HEBP1: variants seen among roughly 807,000 people sequenced by gnomAD.
HEBP1 encodes heme binding protein 1, also known as heme-binding protein 1.
HEBP1 carries 13 observed loss-of-function variants against 20.4 expected under a neutral mutation model. The ratio of observed to expected loss-of-function variants is 0.64; its 90% CI spans 0.42 to 1.01. The LOEUF (loss-of-function observed/expected upper bound fraction) is 1.01. HEBP1 is among the 50% of genes least tolerant of loss of function. The pLI, the probability that HEBP1 is intolerant of heterozygous loss-of-function variation, is 0.00. For missense variants in HEBP1, 241 were observed against 247.3 expected (o/e 0.97, Z 0.17); for synonymous variants, 92 against 90.7 (o/e 1.01, Z -0.08).
chr12:12,980,934 G>A (rs1399873740), intron 3 of HEBP1, among the ~76,000 whole-genome samples: 1 of 152,268 alleles, frequency 6.6e-6, no homozygotes, highest in Non-Finnish European at 1.5e-5. Context: ...GAGCTGAGCA[G>A]CCTCTGGGGA....
rs1864155446 is a variant in HEBP1 at position 12,986,599 on chromosome 12, T to C, written c.398+553A>G. The C allele has an allele frequency of 6.6e-6, 1 of 152,312 alleles. No individual in the cohort carries two copies. The highest frequency in any genetic ancestry group is 2.4e-5 in the African/African-American group (1 of 41,448). 9.4% of individuals were successfully genotyped at this position (152,312 alleles called of 1,614,324 possible). On this transcript the variant is annotated intron_variant, in intron 3 of 3. Transcript: ENST00000014930. This position sits in a 1 kb window ranked among gnomAD's most constrained non-coding sequence, Gnocchi z 4.3. ...GAAACTAGTAACCATTTGCACCTGC[T>C]ATTCTCTACAGTCAAGGGAAAATGA...
At chr12:12,976,077 C>CAAAAAAAAAAA (rs56110606) in intron 3 of HEBP1, among the ~76,000 whole-genome samples, 5 of 85,848 alleles carry the variant, frequency 5.8e-5, no homozygotes, top group Admixed American at 1.3e-4. Flanking sequence ...GACCCTGTGT[C>CAAAAAAAAAAA]AAAAAAAAAA....
intron 1 of HEBP1, among the ~76,000 whole-genome samples, chr12:12,992,628 G>A (rs1156454249): frequency 6.6e-6 from 1 of 152,180 alleles, no homozygotes; most frequent in Non-Finnish European, 1.5e-5. Flanking sequence ...GTGGGGCACC[G>A]TGCTGAATCA....
intron 3 of HEBP1, among the ~76,000 whole-genome samples, chr12:12,981,834 GAGAC>G (rs1592400829): frequency 6.6e-6 from 1 of 152,174 alleles, no homozygotes; most frequent in African/African-American, 2.4e-5. Context: ...ACATTCAGGG[GAGAC>G]AGACAGAGGT....
chr12:12,982,267 A>G lies in HEBP1; in HGVS notation c.398+4885T>C, dbSNP rs375737168. 1.1e-4 allele frequency among the ~76,000 whole-genome samples: 17 copies of G among 152,342 alleles called. No individual in the cohort carries two copies. In the East Asian group the frequency reaches 3.3e-3, roughly 29 times the overall value. ...AATTGATTATAAGTGAAGCAAAGCAAAATAAAGCTGGATAAGAGGACAGAA... is the reference window on the plus strand; with the variant it reads ...AATTGATTATAAGTGAAGCAAAGCAGAATAAAGCTGGATAAGAGGACAGAA... On this transcript the variant is annotated intron_variant, in intron 3 of 3. Coordinates refer to ENST00000014930, the MANE Select transcript of HEBP1 (RefSeq NM_015987.5).
intron 3 of HEBP1, among the ~76,000 whole-genome samples, chr12:12,981,459 T>C (rs2136540565): frequency 6.6e-6 from 1 of 152,262 alleles, no homozygotes; most frequent in South Asian, 2.1e-4. Flanking sequence ...CTGACAGCTA[T>C]CAGGGGGAGA....
chr12:12,984,666 ACTGTAGTACCAG>A (rs1327285878), intron 3 of HEBP1: 1 of 152,214 alleles, frequency 6.6e-6, no homozygotes, highest in Non-Finnish European at 1.5e-5. Flanking sequence ...GTTGTGTGCA[ACTGTAGTACCAG>A]CTACTTGAGA....
At chr12:12,977,140 T>C (rs997021378) in intron 3 of HEBP1, among the ~76,000 whole-genome samples, 2 of 152,248 alleles carry the variant, frequency 1.3e-5, no homozygotes, top group Non-Finnish European at 2.9e-5. Context: ...TAGTGTGTGC[T>C]CAAATCCTAG....
chr12:12,974,985 CA>C lies in HEBP1; in HGVS notation c.*322del, dbSNP rs1374850325. 4.8e-6 allele frequency: 1 copy of C among 209,874 alleles called. No homozygotes were observed. Among genetic ancestry groups the C allele is most frequent in the Non-Finnish European group, 9.5e-6 (1 of 104,726 alleles). The allele number at this position is 209,874 out of a possible 1,614,324, so 13.0% of individuals were successfully genotyped here. ...CATTTTCCCCCTTAATAACAAAATA[CA>C]AATCCAATAATTTTAGAAAATCAGT... On this transcript the variant is annotated 3_prime_UTR_variant, in exon 4 of 4. Transcript: ENST00000014930.
At chr12:12,981,477 G>A (rs1864081180) in intron 3 of HEBP1, among the ~76,000 whole-genome samples, 1 of 152,166 alleles carries the variant, frequency 6.6e-6, no homozygotes, top group African/African-American at 2.4e-5. Flanking sequence ...AGAGAAAATG[G>A]TGATTAATTA....
chr12:12,987,585 T>C (rs991522439), intron 2 of HEBP1, among the ~76,000 whole-genome samples: 6 of 89,758 alleles, frequency 6.7e-5, no homozygotes, highest in African/African-American at 1.8e-4. Flanking sequence ...AGATTATCAG[T>C]CTCTTTCTCT....
rs1221658679 is a variant in HEBP1, at chr12:12,996,491, C to T, written c.78+3546G>A. 6.6e-6 allele frequency among the ~76,000 whole-genome samples: 1 copy of T among 152,220 alleles called. No homozygotes were observed. The highest frequency in any genetic ancestry group is 2.4e-5 in the African/African-American group (1 of 41,450). ...CCAAGTACTTGGAATCAGTCCCCAA[C>T]ATCTGGTGAGCCTGAAGCCCATGCT... On this transcript the variant is annotated intron_variant, in intron 1 of 3. Transcript: ENST00000014930. The surrounding 1 kb of genome is among the most constrained non-coding windows in gnomAD (Gnocchi z 4.1).
chr12:12,994,488 A>G (rs1864267879), intron 1 of HEBP1, among the ~76,000 whole-genome samples: 1 of 152,170 alleles, frequency 6.6e-6, no homozygotes, highest in Admixed American at 6.5e-5. Flanking sequence ...GATCTATAAA[A>G]TGGCACGAGC....
At chr12:12,976,557 G>A (rs1565489874) in intron 3 of HEBP1, among the ~76,000 whole-genome samples, 1 of 152,200 alleles carries the variant, frequency 6.6e-6, no homozygotes, top group Non-Finnish European at 1.5e-5. Context: ...ATTTTTGGTG[G>A]AGTCCTCTGA....
chr12:12,982,398 C>T (rs1023684707), intron 3 of HEBP1, among the ~76,000 whole-genome samples: 4 of 152,180 alleles, frequency 2.6e-5, no homozygotes, highest in African/African-American at 9.6e-5. Context: ...GTCCCAACTT[C>T]CTGTGGTTAC....
chr12:12,987,611 T>TC (rs56360516), intron 2 of HEBP1, among the ~76,000 whole-genome samples: 65,464 of 136,712 alleles, frequency 0.48, 16,740 homozygotes, highest in Non-Finnish European at 0.59. Flanking sequence ...TCTCTCTCTC[T>TC]TTCTCTCTCT....
rs200332108 is a variant in HEBP1 at position 12,975,290 on chromosome 12, C to T, written c.*18G>A. ...CACAGAGGCACACTTCCAGTAAGTT[C>T]TTGGTTCAGTGGGTCACTCATGTCT... On this transcript the variant is annotated 3_prime_UTR_variant, in exon 4 of 4. Transcript: ENST00000014930. 2.3e-4 allele frequency: 367 copies of T among 1,611,936 alleles called. 2 individuals carry two copies. In the South Asian group the frequency reaches 2.4e-3, roughly 10 times the overall value.
At position 13,000,192 on chromosome 12, in the gene HEBP1, C is replaced by CGGCGGCAGGGCGACAG; in HGVS notation, c.-79_-78insCTGTCGCCCTGCCGCC. ...ACGGAGCACCACGGGCAGCGACCAC[C>CGGCGGCAGGGCGACAG]GGCGGCAGGGCGGCAGGGCGGCAGG... On this transcript the variant is annotated 5_prime_UTR_variant, in exon 1 of 4. Transcript: ENST00000014930. 2 of 584,878 alleles carry CGGCGGCAGGGCGACAG rather than the reference C, an allele frequency of 3.4e-6. No homozygotes were observed. The highest frequency in any genetic ancestry group is 5.9e-6 in the Non-Finnish European group (2 of 340,602). 36.2% of individuals were successfully genotyped at this position (584,878 alleles called of 1,614,324 possible).
chr12:12,992,099 C>T (rs1864230713), intron 1 of HEBP1, among the ~76,000 whole-genome samples: 1 of 152,200 alleles, frequency 6.6e-6, no homozygotes, highest in Admixed American at 6.5e-5. Flanking sequence ...TGAAGATTCA[C>T]AACTAGGGAA....
Sources: allele counts gnomAD v4.1 joint callset (sites outside exome capture counted in the v4.1 genomes callset), GRCh38; gene constraint gnomAD v4.1.1; non-coding constraint Gnocchi (gnomAD v3.1); transcripts MANE v1.5; gene names NCBI Gene and HGNC (gene_info 2026-07-23, HGNC 2026-07-21).